MAMDC2: variants seen among roughly 807,000 people sequenced by gnomAD.
MAMDC2 encodes MAM domain containing 2.
Under a neutral mutation model 89.8 loss-of-function variants are expected in MAMDC2, and 57 were observed. The ratio of observed to expected loss-of-function variants is 0.63; its 90% CI spans 0.51 to 0.79. The LOEUF (loss-of-function observed/expected upper bound fraction) is 0.79. MAMDC2 is among the 30% of genes least tolerant of loss of function. The pLI is 0.00. For missense variants in MAMDC2, 800 were observed against 820.6 expected, an observed-to-expected ratio of 0.97 and a Z score of 0.31; for synonymous variants, 313 against 293.4, an observed-to-expected ratio of 1.07 and a Z score of -0.68.
chr9:70,064,924 G>C (rs1827231624), intron 2 of MAMDC2, among the ~76,000 whole-genome samples: 1 of 152,110 alleles, frequency 6.6e-6, no homozygotes, highest in African/African-American at 2.4e-5. Flanking sequence ...ACAAAACAAA[G>C]CAAAATAAAA....
At position 70,133,551 on chromosome 9, in the gene MAMDC2, T is replaced by C. The variant is rs2030887655; in HGVS notation, c.994+1939T>C. On this transcript the variant is annotated intron_variant, in intron 7 of 13. Coordinates refer to ENST00000377182, the MANE Select transcript of MAMDC2 (RefSeq NM_153267.5). ...CTTCAGAACTTCCCACTATGCCAGC[T>C]TGGCTTTAAATGGTTTAATTGCATC... Among the ~76,000 whole-genome samples, 3 of 152,236 alleles carry C rather than the reference T, an allele frequency of 2.0e-5. No individual in the cohort carries two copies. The South Asian group carries it at 6.2e-4, about 32-fold the overall frequency.
At chr9:70,064,173 A>G (rs1261777845) in intron 2 of MAMDC2, among the ~76,000 whole-genome samples, 1 of 151,972 alleles carries the variant, frequency 6.6e-6, no homozygotes, top group African/African-American at 2.4e-5. Flanking sequence ...ATTTTTTTAA[A>G]ATTTTTTTTC....
intron 11 of MAMDC2, chr9:70,217,258 G>T: frequency 9.9e-7 from 1 of 1,008,268 alleles, no homozygotes; most frequent in Non-Finnish European, 1.6e-6. Flanking sequence ...GAGGCACTAC[G>T]CCAGGACCGA....
chr9:70,133,780 A>G (rs2030898425), intron 7 of MAMDC2, among the ~76,000 whole-genome samples: 1 of 152,226 alleles, frequency 6.6e-6, no homozygotes, highest in Non-Finnish European at 1.5e-5. Context: ...AGAGTATGGT[A>G]CACAGAAAAT....
At chr9:70,096,030 TTTC>T (rs1828019389) in intron 2 of MAMDC2, among the ~76,000 whole-genome samples, 1 of 152,112 alleles carries the variant, frequency 6.6e-6, no homozygotes, top group African/African-American at 2.4e-5. Flanking sequence ...AAGTTTTTTT[TTTC>T]TTTTTTTTGA....
chr9:70,172,729 T>C (rs1587542159), intron 11 of MAMDC2: 3 of 153,012 alleles, frequency 2.0e-5, no homozygotes, highest in Non-Finnish European at 4.4e-5. Flanking sequence ...TCTTGCTGCT[T>C]CAGCAGATTC....
At chr9:70,145,745 T>C (rs1017609441) in intron 9 of MAMDC2, among the ~76,000 whole-genome samples, 1 of 152,152 alleles carries the variant, frequency 6.6e-6, no homozygotes, top group Non-Finnish European at 1.5e-5. Flanking sequence ...TAATTATTTA[T>C]TTATTTATTC....
intron 11 of MAMDC2, among the ~76,000 whole-genome samples, chr9:70,208,802 C>G (rs1167591205): frequency 2.0e-5 from 3 of 152,078 alleles, no homozygotes; most frequent in Admixed American, 6.6e-5. Context: ...TGAGATATGT[C>G]CCATCAATAC....
Position 70,126,299 on chromosome 9 carries a change from T to C in MAMDC2, c.784T>C (p.Ser262Pro). 2 of 1,614,154 alleles carry C rather than the reference T, an allele frequency of 1.2e-6. No individual in the cohort carries two copies. The highest frequency in any genetic ancestry group is 1.3e-5 in the African/African-American group (1 of 75,044). Residue 262 changes from serine to proline, a missense_variant, in exon 6 of 14, where the codon TCC becomes CCC. By Grantham distance (74) the Ser-to-Pro change is moderately conservative. Transcript: ENST00000377182. ...QIQQGNDNVF[S>P]LYTRDVAGLY... The stretch of plus-strand genomic sequence containing the variant: ...CCAGCAGGGGAATGACAATGTCTTT[T>C]CCCTTTACACTCGGGATGTGGCTGG...
chr9:70,107,978 G>C (rs1828385395), intron 2 of MAMDC2, among the ~76,000 whole-genome samples: 1 of 152,196 alleles, frequency 6.6e-6, no homozygotes, highest in Non-Finnish European at 1.5e-5. Context: ...GCCACCCTCT[G>C]AAGAGGCAGC....
At chr9:70,219,759 T>C (rs934951578) in intron 12 of MAMDC2, among the ~76,000 whole-genome samples, 10 of 152,310 alleles carry the variant, frequency 6.6e-5, no homozygotes, top group Admixed American at 2.6e-4. Flanking sequence ...TATAGTGATT[T>C]AATGTCTGTT....
intron 11 of MAMDC2, among the ~76,000 whole-genome samples, chr9:70,208,555 A>C (rs1003816005): frequency 8.5e-5 from 13 of 152,216 alleles, no homozygotes; most frequent in Non-Finnish European, 1.8e-4. Flanking sequence ...GGGTTTTCTA[A>C]ATATACAATC....
chr9:70,198,422 C>A (rs1414681397), intron 11 of MAMDC2, among the ~76,000 whole-genome samples: 32 of 151,964 alleles, frequency 2.1e-4, no homozygotes, highest in Admixed American at 2.1e-3. Flanking sequence ...ACTATGCTGT[C>A]AGAATTCCTT....
chr9:70,056,572 G>A (rs1446860170), intron 2 of MAMDC2, among the ~76,000 whole-genome samples: 1 of 152,144 alleles, frequency 6.6e-6, no homozygotes, highest in Non-Finnish European at 1.5e-5. Flanking sequence ...AAGTGATGTT[G>A]GGGATAACAC....
chr9:70,198,448 A>G (rs1412661788), intron 11 of MAMDC2, among the ~76,000 whole-genome samples: 1 of 152,054 alleles, frequency 6.6e-6, no homozygotes, highest in Non-Finnish European at 1.5e-5. Context: ...CATTAGTTTT[A>G]GTTGACCTGG....
chr9:70,167,662 C>T (rs1277668794), intron 9 of MAMDC2, among the ~76,000 whole-genome samples: 1 of 152,202 alleles, frequency 6.6e-6, no homozygotes, highest in Admixed American at 6.5e-5. Flanking sequence ...TTTAAAAGGT[C>T]TCTTAGCTCA....
In MAMDC2 at chr9:70,226,921, AC is replaced by A. The variant is rs201691459; in HGVS notation, c.*890del. On this transcript the variant is annotated 3_prime_UTR_variant, in exon 14 of 14. Transcript: ENST00000377182. ...TGTATATATATGTTTGTGTATCCTAACAGCTGCTATGAAATTATAAAATTAC... is the reference window on the plus strand; with the variant it reads ...TGTATATATATGTTTGTGTATCCTAAAGCTGCTATGAAATTATAAAATTAC... The A allele has an allele frequency of 7.3e-4, 111 of 152,198 alleles. 1 individual carries two copies. In the East Asian group the frequency reaches 0.021, roughly 29 times the overall value. 9.4% of individuals were successfully genotyped at this position (152,198 alleles called of 1,614,324 possible).
chr9:70,225,703 T>TAATC, intron 12 of MAMDC2, 47 bp from the exon 13 acceptor site: 1 of 1,251,724 alleles, frequency 8.0e-7, no homozygotes, highest in Non-Finnish European at 1.2e-6. Context: ...ACCAGCACTG[T>TAATC]AATCAGGATG....
Position 70,217,508 on chromosome 9 carries a change from G to A in MAMDC2, c.1652-829G>A, listed in dbSNP as rs552236964. Reference sequence around the variant, plus strand: ...AAACCTTAAGTTAGAAAGGCTCAACGAGAACAAGCTATCAGGGCTGCTAAG... The same window carrying A: ...AAACCTTAAGTTAGAAAGGCTCAACAAGAACAAGCTATCAGGGCTGCTAAG... On this transcript the variant is annotated intron_variant, in intron 11 of 13. Transcript: ENST00000377182. 1.0e-5 allele frequency: 16 copies of A among 1,527,600 alleles called. No individual in the cohort carries two copies. In the East Asian group the frequency reaches 1.6e-4, roughly 15 times the overall value. 94.6% of individuals were successfully genotyped at this position (1,527,600 alleles called of 1,614,324 possible). A position where few individuals can be genotyped will look rare whatever the true frequency, so the allele number is the denominator to read the frequency against.
Sources: allele counts gnomAD v4.1 joint callset (sites outside exome capture counted in the v4.1 genomes callset), GRCh38; gene constraint gnomAD v4.1.1; transcripts MANE v1.5; gene names NCBI Gene and HGNC (gene_info 2026-07-23, HGNC 2026-07-21).